Variants in POLR2J observed in about 807,000 individuals in gnomAD.
The protein encoded by POLR2J is DNA-directed RNA polymerase II subunit RPB11-a.
POLR2J carries 12 observed loss-of-function variants against 13.4 expected under a neutral mutation model. The ratio of observed to expected loss-of-function variants is 0.90; its 90% confidence interval spans 0.57 to 1.45. The LOEUF is 1.45. POLR2J is among the 40% of genes most tolerant of loss of function. The pLI is 0.00. For synonymous variants in POLR2J, 31 were observed against 53.6 expected, an observed-to-expected ratio of 0.58 and a Z score of 1.84; for missense variants, 58 against 132.0, an observed-to-expected ratio of 0.44 and a Z score of 2.75.
intron 3 of POLR2J, chr7:102,474,077 G>C (rs1266568952): frequency 6.9e-7 from 1 of 1,451,574 alleles, no homozygotes. Flanking sequence ...GGACGTAGAA[G>C]AGCACCCCCA....
chr7:102,474,963 C>T (rs1798381675), intron 2 of POLR2J, among the ~76,000 whole-genome samples: 1 of 149,276 alleles, frequency 6.7e-6, no homozygotes, highest in South Asian at 2.1e-4. Context: ...GCCCTCCGAG[C>T]AGCACAGCTG....
intron 3 of POLR2J, 48 bp downstream of exon 3, chr7:102,474,313 G>T: frequency 6.2e-7 from 1 of 1,611,736 alleles, no homozygotes; most frequent in Non-Finnish European, 8.5e-7. Flanking sequence ...TGGGCACACG[G>T]GCCAGTGTCC....
chr7:102,473,979 C>G, intron 3 of POLR2J: 3 of 1,434,044 alleles, frequency 2.1e-6, no homozygotes, highest in Non-Finnish European at 2.7e-6. Context: ...GATTCCCATG[C>G]GCCCTGCCAG....
Position 102,473,612 on chromosome 7 carries a change from A to G in POLR2J, c.*37T>C, listed in dbSNP as rs772608479. 1.2e-6 allele frequency: 2 copies of G among 1,603,832 alleles called. No individual in the cohort carries two copies. The highest frequency in any genetic ancestry group is 3.4e-5 in the Admixed American group (2 of 59,044). Reference sequence around the variant, plus strand: ...AGCGGAGGGTCAGGCACAGGTAGGAACGGGGCTCACAGGCCGAGCAGAGCC... The same window carrying G: ...AGCGGAGGGTCAGGCACAGGTAGGAGCGGGGCTCACAGGCCGAGCAGAGCC... On this transcript the variant is annotated 3_prime_UTR_variant, in exon 4 of 4. Transcript: ENST00000292614.
chr7:102,473,749 T>G (rs889104777), intron 3 of POLR2J, 65 bp from the exon 4 acceptor site: 10 of 1,605,928 alleles, frequency 6.2e-6, no homozygotes, highest in Admixed American at 1.7e-5. Context: ...TGGAAACACA[T>G]GCCCAGCATC....
chr7:102,473,901 C>A (rs1295695205), intron 3 of POLR2J: 2 of 1,437,730 alleles, frequency 1.4e-6, no homozygotes, highest in Non-Finnish European at 1.8e-6. Context: ...CAGAGGCTTC[C>A]TGGTGAGCAG....
Position 102,473,524 on chromosome 7 carries a change from T to TGGCCAACACGTCGGTGTCAGGGC in POLR2J, c.*124_*125insGCCCTGACACCGACGTGTTGGCC. Reference sequence around the variant, plus strand: ...TGTACAGGACACGTCGGTGTCAGGGTGAGGGGTGGCCACAAGGCGGGCCAT... The same window carrying TGGCCAACACGTCGGTGTCAGGGC: ...TGTACAGGACACGTCGGTGTCAGGGTGGCCAACACGTCGGTGTCAGGGCGAGGGGTGGCCACAAGGCGGGCCAT... On this transcript the variant is annotated 3_prime_UTR_variant, in exon 4 of 4. Transcript: ENST00000292614. 1 of 1,437,822 alleles carries TGGCCAACACGTCGGTGTCAGGGC rather than the reference T, an allele frequency of 7.0e-7. No individual in the cohort carries two copies. The highest frequency in any genetic ancestry group is 1.3e-5 in the South Asian group (1 of 76,794). 89.1% of individuals were successfully genotyped at this position (1,437,822 alleles called of 1,614,324 possible). A position where few individuals can be genotyped will look rare whatever the true frequency, so the allele number is the denominator to read the frequency against.
rs1563660911 is a variant in POLR2J at position 102,473,635 on chromosome 7, G to GC, written c.*13dup. ...GAACGGGGCTCACAGGCCGAGCAGAGCCCCCTCTGGCCCCTACTCAATTCC... is the reference window on the plus strand; with the variant it reads ...GAACGGGGCTCACAGGCCGAGCAGAGCCCCCCTCTGGCCCCTACTCAATTCC... On this transcript the variant is annotated 3_prime_UTR_variant, in exon 4 of 4. Coordinates refer to ENST00000292614, the MANE Select transcript of POLR2J (RefSeq NM_006234.6). 11 of 1,613,724 alleles carry GC rather than the reference G, an allele frequency of 6.8e-6. No individual in the cohort carries two copies. Among genetic ancestry groups the GC allele is most frequent in the African/African-American group, 1.3e-5 (1 of 74,988 alleles).
chr7:102,476,941 C>T lies in POLR2J; in HGVS notation c.54-671G>A, dbSNP rs1798448505. On this transcript the variant is annotated intron_variant, in intron 1 of 3. Transcript: ENST00000292614. ...CCAACTCCTCGGCTAAAGTGATCCT[C>T]CCGCCTTAGCCTCCTGAGTAGCTGG... Among the ~76,000 whole-genome samples the T allele has an allele frequency of 2.6e-5, 2 of 78,330 alleles. 1 individual carries two copies. The highest frequency in any genetic ancestry group is 8.8e-4 in the South Asian group (2 of 2,280). The allele number at this position is 78,330 out of a possible 152,430, so 51.4% of individuals were successfully genotyped here.
intron 2 of POLR2J, 50 bp downstream of exon 2, chr7:102,476,131 A>AG (rs897003637): frequency 1.2e-6 from 1 of 832,586 alleles, no homozygotes; most frequent in African/African-American, 1.8e-5. Flanking sequence ...TGCTTTGCCC[A>AG]GGGGGGCCCA....
intron 3 of POLR2J, 141 bp from the exon 4 acceptor site, chr7:102,473,825 A>T: frequency 6.8e-7 from 1 of 1,469,628 alleles, no homozygotes; most frequent in African/African-American, 1.4e-5. Flanking sequence ...GGAGCAGCCA[A>T]AGGGCCCTCC....
At chr7:102,474,002 G>C in intron 3 of POLR2J, 1 of 1,437,546 alleles carries the variant, frequency 7.0e-7, no homozygotes. Context: ...ACAGGTGTGG[G>C]CCACCCGGGG....
chr7:102,476,206 G>C lies in POLR2J; in HGVS notation c.118C>G (p.His40Asp), dbSNP rs1430912512. 1 of 853,070 alleles carries C rather than the reference G, an allele frequency of 1.2e-6. No individual in the cohort carries two copies. Among genetic ancestry groups the C allele is most frequent in the Non-Finnish European group, 1.9e-6 (1 of 530,330 alleles). 52.8% of individuals were successfully genotyped at this position (853,070 alleles called of 1,614,324 possible). A position where few individuals can be genotyped will look rare whatever the true frequency, so the allele number is the denominator to read the frequency against. The change falls in exon 2 of 4, where the codon CAC becomes GAC. Residue 40 changes from histidine to aspartate, a missense_variant. Coordinates refer to ENST00000292614, the MANE Select transcript of POLR2J (RefSeq NM_006234.6). The stretch of plus-strand genomic sequence containing the variant: ...GATTTAATGATGTTTCCCAGTGTGT[G>C]GTCTTCTTTGTTGATGGTGAATAAA... ...ACLFTINKED[H>D]TLGNIIKSQL...
Position 102,473,559 on chromosome 7 carries a change from C to CGGCCGCTCTCCTCGGTGTGGTACCTGG in POLR2J, c.*63_*89dup. On this transcript the variant is annotated 3_prime_UTR_variant, in exon 4 of 4. Coordinates refer to ENST00000292614, the MANE Select transcript of POLR2J (RefSeq NM_006234.6). ...CCACAAGGCGGGCCATGGCTGGGAC[C>CGGCCGCTCTCCTCGGTGTGGTACCTGG]GGCCGCTCTCCTCGGTGTGGTACCT... 7.6e-7 allele frequency: 1 copy of CGGCCGCTCTCCTCGGTGTGGTACCTGG among 1,317,736 alleles called. No homozygotes were observed. Among genetic ancestry groups the CGGCCGCTCTCCTCGGTGTGGTACCTGG allele is most frequent in the South Asian group, 1.6e-5 (1 of 61,756 alleles). 81.6% of individuals were successfully genotyped at this position (1,317,736 alleles called of 1,614,324 possible). A position where few individuals can be genotyped will look rare whatever the true frequency, so the allele number is the denominator to read the frequency against.
In POLR2J at chr7:102,478,868, C is replaced by T. The variant is rs1188666651; in HGVS notation, c.-8G>A. On this transcript the variant is annotated 5_prime_UTR_variant, in exon 1 of 4. Coordinates refer to ENST00000292614, the MANE Select transcript of POLR2J (RefSeq NM_006234.6). ...GGCTGGAGGGGCGTTCATGCTCCCG[C>T]CGCCGTTGCGTCCAGACCCCAAGGG... The T allele has an allele frequency of 6.2e-7, 1 of 1,610,620 alleles. No homozygotes were observed. The highest frequency in any genetic ancestry group is 1.3e-5 in the African/African-American group (1 of 74,868).
intron 3 of POLR2J, chr7:102,473,894 AGGCTTCC>A: frequency 4.9e-6 from 7 of 1,439,110 alleles, no homozygotes; most frequent in Non-Finnish European, 4.5e-6. Flanking sequence ...GAGGCCCCAG[AGGCTTCC>A]TGGTGAGCAG....
At chr7:102,476,422 G>A in intron 1 of POLR2J, 152 bp from the exon 2 acceptor site, 1 of 633,978 alleles carries the variant, frequency 1.6e-6, no homozygotes, top group South Asian at 1.7e-5. Flanking sequence ...CCTGAGGTCA[G>A]AAGTTCAAGA....
Position 102,473,441 on chromosome 7 carries a change from C to CAA in POLR2J, c.*206_*207dup. 1 of 719,312 alleles carries CAA rather than the reference C, an allele frequency of 1.4e-6. No individual in the cohort carries two copies. The highest frequency in any genetic ancestry group is 2.2e-6 in the Non-Finnish European group (1 of 462,960). 44.6% of individuals were successfully genotyped at this position (719,312 alleles called of 1,614,324 possible). ...ATTTGCTTGCGAAGTCACCGCTGCT[C>CAA]AAGTCCACATCCAGGTCTCTCCCGC... On this transcript the variant is annotated 3_prime_UTR_variant, in exon 4 of 4. Transcript: ENST00000292614.
chr7:102,474,422 G>C lies in POLR2J; in HGVS notation c.257C>G (p.Ala86Gly). 3 of 1,610,302 alleles carry C rather than the reference G, an allele frequency of 1.9e-6. No homozygotes were observed. Among genetic ancestry groups the C allele is most frequent in the Admixed American group, 1.7e-5 (1 of 59,620 alleles). Residue 86 changes from alanine to glycine, a missense_variant, in exon 3 of 4, where the codon GCC becomes GGC. Transcript: ENST00000292614. ...GAGGTCGGTGATGGCGTTGGTAAAG[G>C]CTTCCTGGGGGCTGTAGTCCGGCGT... ...QTTPDYSPQE[A>G]FTNAITDLIS... is the part of the protein sequence containing the mutation.
Sources: gnomAD v4.1 joint callset for allele counts (sites outside exome capture counted in the v4.1 genomes callset) on GRCh38, gnomAD v4.1.1 for gene constraint, MANE v1.5 for transcripts, NCBI Gene and HGNC (gene_info 2026-07-23, HGNC 2026-07-21) for gene names.